The following C7 variants were observed in gnomAD, a reference collection of about 807,000 sequenced individuals.
C7 encodes complement component C7.
A neutral mutation model predicts 104.8 loss-of-function variants in C7; 83 were observed. The observed-to-expected ratio is 0.79, with a 90% CI of 0.66 to 0.95. C7 has a LOEUF of 0.95. Among genes scored for constraint, C7 ranks in the 40% least tolerant of loss-of-function variants. The probability of loss-of-function intolerance (pLI) is 0.00; values close to 1 mark genes in which losing one functional copy is unlikely to be tolerated. For missense variants in C7, 1,070 were observed against 1,011.2 expected, an observed-to-expected ratio of 1.06 and a Z score of -0.79; for synonymous variants, 415 against 360.6, an observed-to-expected ratio of 1.15 and a Z score of -1.71.
intron 1 of C7, among the ~76,000 whole-genome samples, chr5:40,914,329 CATT>C (rs1739273574): frequency 6.6e-6 from 1 of 151,878 alleles, no homozygotes; most frequent in African/African-American, 2.4e-5. Context: ...TTGTTGTTAT[CATT>C]GTTTGAGTTT....
In C7 at chr5:40,983,734, C is replaced by T. The variant is rs1741003315; in HGVS notation, c.*2161C>T. ...GAAACTTCCAAAATAAGTTCTTGAA[C>T]ACCTATGGAGAGGCTTTGAGGAAAG... is the stretch of plus-strand genomic sequence containing the variant. On this transcript the variant is annotated 3_prime_UTR_variant, in exon 18 of 18. Coordinates refer to ENST00000313164, the MANE Select transcript of C7 (RefSeq NM_000587.4). 6.6e-6 allele frequency among the ~76,000 whole-genome samples: 1 copy of T among 152,130 alleles called. No homozygotes were observed. The highest frequency in any genetic ancestry group is 2.4e-5 in the African/African-American group (1 of 41,442).
chr5:40,915,691 C>T (rs1203004384), intron 1 of C7, among the ~76,000 whole-genome samples: 1 of 152,166 alleles, frequency 6.6e-6, no homozygotes, highest in African/African-American at 2.4e-5. Flanking sequence ...CAAATAACCT[C>T]CCCCAACATT....
At chr5:40,952,726 T>C (rs564332841) in intron 9 of C7, among the ~76,000 whole-genome samples, 1 of 151,938 alleles carries the variant, frequency 6.6e-6, no homozygotes, top group African/African-American at 2.4e-5. Flanking sequence ...TTCCCACCTG[T>C]GAGTGAGAAC....
intron 14 of C7, among the ~76,000 whole-genome samples, chr5:40,970,171 A>G (rs1376512792): frequency 6.6e-6 from 1 of 152,168 alleles, no homozygotes; most frequent in Non-Finnish European, 1.5e-5. Context: ...CTACACTGAT[A>G]TATCTCATTG....
At chr5:40,952,247 T>TGTCTCA (rs1453639367) in intron 9 of C7, among the ~76,000 whole-genome samples, 1 of 152,212 alleles carries the variant, frequency 6.6e-6, no homozygotes, top group Non-Finnish European at 1.5e-5. Context: ...CATATTCTCA[T>TGTCTCA]TTTACAGACA....
chr5:40,955,510 G>A lies in C7; in HGVS notation c.1217G>A (p.Trp406Ter). The A allele has an allele frequency of 6.2e-7, 1 of 1,613,276 alleles. No homozygotes were observed. The highest frequency in any genetic ancestry group is 8.5e-7 in the Non-Finnish European group (1 of 1,179,498). The change falls in exon 10 of 18, where the codon TGG (tryptophan) becomes TAG (stop). Residue 406 changes from tryptophan to a stop codon, truncating the protein, a stop_gained. Transcript: ENST00000313164. LOFTEE classifies it high-confidence loss of function. ...GGAAACAAAAGGCGATATTCTGCCT[G>A]GGCAGAATCTGTGACTAATCTTCCT... Reference protein sequence around the residue: ...PAGNKRRYSAWAESVTNLPQV... With the variant: ...PAGNKRRYSA
At chr5:40,981,304 A>T (rs996800737) in intron 17 of C7, 88 bp from the exon 18 acceptor site, 9 of 1,277,400 alleles carry the variant, frequency 7.0e-6, no homozygotes, top group African/African-American at 3.0e-5. Flanking sequence ...TACAGCTCTG[A>T]TCACCACATT....
chr5:40,911,531 AG>A (rs1739207200), intron 1 of C7, among the ~76,000 whole-genome samples: 1 of 152,146 alleles, frequency 6.6e-6, no homozygotes, highest in Non-Finnish European at 1.5e-5. Context: ...CTGTGAATCT[AG>A]GGAATGGTCG....
At chr5:40,971,164 G>A (rs930829469) in intron 14 of C7, among the ~76,000 whole-genome samples, 7 of 152,144 alleles carry the variant, frequency 4.6e-5, no homozygotes, top group South Asian at 4.1e-4. Flanking sequence ...TTGCCATACC[G>A]TCTTCCACAA....
intron 17 of C7, 90 bp from the exon 18 acceptor site, chr5:40,981,302 T>TG (rs1740936621): frequency 3.2e-6 from 4 of 1,252,238 alleles, no homozygotes; most frequent in Non-Finnish European, 4.6e-6. Flanking sequence ...TCTACAGCTC[T>TG]GATCACCACA....
At chr5:40,923,421 A>C (rs994309410) in intron 1 of C7, among the ~76,000 whole-genome samples, 2 of 152,174 alleles carry the variant, frequency 1.3e-5, no homozygotes, top group African/African-American at 4.8e-5. Context: ...AAGCAAGAGC[A>C]GACATGTCAC....
chr5:40,977,074 C>G (rs764520697), intron 16 of C7, among the ~76,000 whole-genome samples: 13 of 152,106 alleles, frequency 8.5e-5, no homozygotes, highest in Middle Eastern at 3.2e-3. Flanking sequence ...CAGGACTACT[C>G]GAGCACTGCT....
intron 1 of C7, among the ~76,000 whole-genome samples, chr5:40,924,814 G>A (rs1221535657): frequency 1.3e-5 from 2 of 152,204 alleles, no homozygotes; most frequent in African/African-American, 4.8e-5. Flanking sequence ...TGGAGCTGGA[G>A]AGTGGCCTGC....
At chr5:40,976,868 G>A (rs1256808366) in intron 16 of C7, 28 bp downstream of exon 16, 1 of 1,503,202 alleles carries the variant, frequency 6.7e-7, no homozygotes. Context: ...TCATTTCTCT[G>A]TTTTATTTTA....
chr5:40,926,847 G>T (rs1050681554), intron 1 of C7, among the ~76,000 whole-genome samples: 2 of 151,350 alleles, frequency 1.3e-5, no homozygotes, highest in African/African-American at 4.9e-5. Context: ...GAGTTTTAAT[G>T]CAATCTTTAT....
intron 6 of C7, among the ~76,000 whole-genome samples, chr5:40,944,304 T>A (rs1312413519): frequency 6.6e-6 from 1 of 152,214 alleles, no homozygotes; most frequent in East Asian, 1.9e-4. Flanking sequence ...AGCAAATTAG[T>A]TGTCTATAAC....
At chr5:40,959,313 A>G in intron 11 of C7, 136 bp from the exon 12 acceptor site, 1 of 739,644 alleles carries the variant, frequency 1.4e-6, no homozygotes, top group Non-Finnish European at 2.2e-6. Flanking sequence ...CATTGTAGAA[A>G]ACCTCAATGA....
intron 1 of C7, among the ~76,000 whole-genome samples, chr5:40,924,892 C>A (rs572830971): frequency 6.6e-6 from 1 of 152,328 alleles, no homozygotes; most frequent in African/African-American, 2.4e-5. Flanking sequence ...TGAAACCATT[C>A]TTTCCTCCCA....
In C7 at chr5:40,972,496, G is replaced by T; in HGVS notation, c.1976G>T (p.Cys659Phe). 1.9e-6 allele frequency: 3 copies of T among 1,613,790 alleles called. No individual in the cohort carries two copies. Among genetic ancestry groups the T allele is most frequent in the South Asian group, 1.1e-5 (1 of 91,072 alleles). ...YTVGEKVTVSCSGGMSLEGPS... is the reference protein window; with the variant it reads ...YTVGEKVTVSFSGGMSLEGPS... ...GTTGGTGAGAAGGTGACTGTTTCCT[G>T]TTCAGGTGGCATGTCCTTAGAAGGT... is the stretch of plus-strand genomic sequence containing the variant. The change falls in exon 15 of 18, where the codon TGT (cysteine) becomes TTT (phenylalanine). Residue 659 changes from cysteine (C) to phenylalanine (F), a missense_variant. Coordinates refer to ENST00000313164, the MANE Select transcript of C7 (RefSeq NM_000587.4).
Sources: gnomAD v4.1 joint callset for allele counts (sites outside exome capture counted in the v4.1 genomes callset) on GRCh38, gnomAD v4.1.1 for gene constraint, MANE v1.5 for transcripts, NCBI Gene and HGNC (gene_info 2026-07-23, HGNC 2026-07-21) for gene names.